The following FAM78B variants were observed in gnomAD, a reference collection of about 807,000 sequenced individuals.
FAM78B encodes the protein protein FAM78B.
A neutral mutation model predicts 20.0 loss-of-function variants in FAM78B; 10 were observed. That is an observed-to-expected ratio of 0.50 (90% CI 0.31 to 0.85). The LOEUF is 0.85. Ranked by LOEUF, FAM78B falls within the 40% of genes least tolerant of loss-of-function variation. The probability of loss-of-function intolerance (pLI) is 0.05; values close to 1 mark genes in which losing one functional copy is unlikely to be tolerated. For missense variants in FAM78B, 283 were observed against 345.0 expected, an observed-to-expected ratio of 0.82 and a Z score of 1.42; for synonymous variants, 135 against 132.8, an observed-to-expected ratio of 1.02 and a Z score of -0.12.
intron 1 of FAM78B, among the ~76,000 whole-genome samples, chr1:166,106,881 T>A (rs1653808000): frequency 6.6e-6 from 1 of 151,992 alleles, no homozygotes; most frequent in Non-Finnish European, 1.5e-5. Context: ...AAAATAAAAG[T>A]TGAAGTTATA....
chr1:166,120,823 C>CTA (rs1654440035), intron 1 of FAM78B, among the ~76,000 whole-genome samples: 2 of 152,338 alleles, frequency 1.3e-5, no homozygotes, highest in African/African-American at 4.8e-5. Flanking sequence ...GATAAATGCG[C>CTA]TAGGCAGGAG....
At chr1:166,114,816 T>C (rs764320312) in intron 1 of FAM78B, among the ~76,000 whole-genome samples, 9 of 152,230 alleles carry the variant, frequency 5.9e-5, no homozygotes, top group Non-Finnish European at 1.2e-4. Context: ...GTTCTCTTTT[T>C]CCTTCCCAAA....
chr1:166,061,828 A>G (rs771499946), intron 2 of FAM78B, among the ~76,000 whole-genome samples: 1 of 152,218 alleles, frequency 6.6e-6, no homozygotes, highest in Non-Finnish European at 1.5e-5. Context: ...CAGCAGGGAT[A>G]GAGGGGAATG....
intron 1 of FAM78B, among the ~76,000 whole-genome samples, chr1:166,087,670 C>T (rs1311389269): frequency 6.6e-6 from 1 of 152,176 alleles, no homozygotes; most frequent in Non-Finnish European, 1.5e-5. Context: ...CTTTGCCCAG[C>T]TTGTAAGTGG....
At chr1:166,156,037 TTTAC>T (rs1655879736) in intron 1 of FAM78B, among the ~76,000 whole-genome samples, 1 of 152,170 alleles carries the variant, frequency 6.6e-6, no homozygotes, top group African/African-American at 2.4e-5. Context: ...CGGATGCCGA[TTTAC>T]CGCTTCCCAT....
intron 1 of FAM78B, among the ~76,000 whole-genome samples, chr1:166,141,135 C>G (rs1170172356): frequency 6.6e-6 from 1 of 152,238 alleles, no homozygotes. Flanking sequence ...GGCTCACCTG[C>G]CGTAGTCCAG....
At chr1:166,099,411 C>T (rs909700688) in intron 1 of FAM78B, among the ~76,000 whole-genome samples, 4 of 152,152 alleles carry the variant, frequency 2.6e-5, no homozygotes, top group Non-Finnish European at 5.9e-5. Flanking sequence ...GCAACTAGTA[C>T]CTCACAAATC....
chr1:166,086,794 A>G (rs1652848380), intron 1 of FAM78B, among the ~76,000 whole-genome samples: 1 of 152,166 alleles, frequency 6.6e-6, no homozygotes, highest in Non-Finnish European at 1.5e-5. Flanking sequence ...ACACAAAAGG[A>G]GTGCCTGTCT....
chr1:166,119,918 G>C (rs561591490), intron 1 of FAM78B, among the ~76,000 whole-genome samples: 1 of 152,308 alleles, frequency 6.6e-6, no homozygotes, highest in African/African-American at 2.4e-5. Flanking sequence ...AGCCACAAGA[G>C]GGAAGCTAAG....
chr1:166,094,381 C>G (rs1390285339), intron 1 of FAM78B, among the ~76,000 whole-genome samples: 1 of 152,182 alleles, frequency 6.6e-6, no homozygotes, highest in Admixed American at 6.5e-5. Flanking sequence ...ATGTAGGGCT[C>G]AGTCTCATGC....
At chr1:166,130,917 C>T (rs900550597) in intron 1 of FAM78B, among the ~76,000 whole-genome samples, 3 of 151,334 alleles carry the variant, frequency 2.0e-5, no homozygotes, top group Non-Finnish European at 4.4e-5. Flanking sequence ...TAAGCTTGGC[C>T]GATGTCACAA....
At chr1:166,122,676 T>G (rs1228277089) in intron 1 of FAM78B, among the ~76,000 whole-genome samples, 1 of 152,216 alleles carries the variant, frequency 6.6e-6, no homozygotes, top group African/African-American at 2.4e-5. Context: ...GTTCTATATG[T>G]TATTTGATCT....
intron 2 of FAM78B, chr1:166,060,774 C>A (rs1010309056): frequency 3.5e-6 from 2 of 568,608 alleles, no homozygotes; most frequent in Admixed American, 4.5e-5. Flanking sequence ...TAATAGATTT[C>A]AAGGGGAGAT....
intron 1 of FAM78B, among the ~76,000 whole-genome samples, chr1:166,103,455 G>GC (rs1331082663): frequency 6.6e-6 from 1 of 152,072 alleles, no homozygotes; most frequent in African/African-American, 2.4e-5. Flanking sequence ...ATAGACGTTA[G>GC]CAAGACTAAT....
chr1:166,124,220 G>T (rs1194629132), intron 1 of FAM78B, among the ~76,000 whole-genome samples: 1 of 152,146 alleles, frequency 6.6e-6, no homozygotes, highest in East Asian at 1.9e-4. Flanking sequence ...CTTTGGTTGG[G>T]TAATGCAGTC....
intron 1 of FAM78B, among the ~76,000 whole-genome samples, chr1:166,157,711 G>A (rs541194361): frequency 6.6e-6 from 1 of 152,266 alleles, no homozygotes; most frequent in African/African-American, 2.4e-5. Flanking sequence ...GCAACTGCCC[G>A]GAGAGTTTGA....
intron 1 of FAM78B, among the ~76,000 whole-genome samples, chr1:166,156,703 A>G (rs904142066): frequency 6.6e-6 from 1 of 152,198 alleles, no homozygotes; most frequent in Non-Finnish European, 1.5e-5. Flanking sequence ...TTGGACACAA[A>G]TGATTTCAGG....
chr1:166,142,197 T>C (rs533903662), intron 1 of FAM78B, among the ~76,000 whole-genome samples: 4 of 152,286 alleles, frequency 2.6e-5, no homozygotes, highest in African/African-American at 4.8e-5. Context: ...AAAACCATTA[T>C]TGGGGAGTGG....
At chr1:166,086,938 T>G (rs1237669890) in intron 1 of FAM78B, 1 of 151,888 alleles carries the variant, frequency 6.6e-6, no homozygotes, top group African/African-American at 2.4e-5. Flanking sequence ...TGTGGCTACA[T>G]GCAGTGTGGC....
Sources: allele counts gnomAD v4.1 joint callset (sites outside exome capture counted in the v4.1 genomes callset), GRCh38; gene constraint gnomAD v4.1.1; transcripts MANE v1.5; gene names NCBI Gene and HGNC (gene_info 2026-07-23, HGNC 2026-07-21).